Variants in CNKSR3 observed in about 807,000 individuals in gnomAD.
CNKSR3 encodes connector enhancer of kinase suppressor of ras 3.
In CNKSR3, 36 loss-of-function variants were observed where a neutral mutation model predicts 67.7. The ratio of observed to expected loss-of-function variants is 0.53; its 90% CI spans 0.41 to 0.70. The LOEUF (loss-of-function observed/expected upper bound fraction) is 0.70. Among genes scored for constraint, CNKSR3 ranks in the 30% least tolerant of loss-of-function variants. CNKSR3 has a pLI of 0.00. For synonymous variants in CNKSR3, 281 were observed against 271.4 expected (o/e 1.04, Z -0.35); for missense variants, 630 against 695.2 (o/e 0.91, Z 1.05).
intron 7 of CNKSR3, among the ~76,000 whole-genome samples, chr6:154,424,418 C>T (rs1785213341): frequency 1.3e-5 from 2 of 152,116 alleles, no homozygotes; most frequent in African/African-American, 4.8e-5. Context: ...TCTAATCAAA[C>T]ATTATCTAGA....
intron 10 of CNKSR3, among the ~76,000 whole-genome samples, chr6:154,411,636 A>C (rs1784914340): frequency 2.8e-5 from 1 of 36,172 alleles, no homozygotes. Context: ...TCCATCTCAA[A>C]AAAAAAAAAA....
In CNKSR3 at chr6:154,394,796, C is replaced by T. The variant is rs1294632843; in HGVS notation, c.*11558G>A. The T allele has an allele frequency of 1.3e-5, 2 of 152,172 alleles. No homozygotes were observed. Among genetic ancestry groups the T allele is most frequent in the East Asian group, 3.9e-4 (2 of 5,194 alleles). The allele number at this position is 152,172 out of a possible 1,614,324, so 9.4% of individuals were successfully genotyped here. On this transcript the variant is annotated 3_prime_UTR_variant, in exon 13 of 13. Coordinates refer to ENST00000607772, the MANE Select transcript of CNKSR3 (RefSeq NM_173515.4). ...ACTGTCCGATTCTGTTCTTAGTCCTCTTGCCAAGTCTATTTTCCTCTCCCC... is the reference window on the plus strand; with the variant it reads ...ACTGTCCGATTCTGTTCTTAGTCCTTTTGCCAAGTCTATTTTCCTCTCCCC...
chr6:154,468,432 A>ACC lies in CNKSR3; in HGVS notation c.53-18176_53-18175dup, dbSNP rs1554236196. On this transcript the variant is annotated intron_variant, in intron 1 of 12. Transcript: ENST00000607772. ...CACACACACACACACACACACACAC[A>ACC]CCATGACCATCTAACCTAAAAAAGT... Among the ~76,000 whole-genome samples, 265 of 142,870 alleles carry ACC rather than the reference A, an allele frequency of 1.9e-3. 1 individual carries two copies. The highest frequency in any genetic ancestry group is 6.0e-3 in the African/African-American group (235 of 39,266). The allele number at this position is 142,870 out of a possible 152,430, so 93.7% of individuals were successfully genotyped here.
chr6:154,429,885 T>C (rs921571139), intron 6 of CNKSR3, among the ~76,000 whole-genome samples: 2 of 152,186 alleles, frequency 1.3e-5, no homozygotes, highest in African/African-American at 4.8e-5. Context: ...GTTAAGTCCC[T>C]CAAGAGCCGG....
chr6:154,442,343 C>A, intron 2 of CNKSR3, 53 bp from the exon 3 acceptor site: 2 of 1,509,522 alleles, frequency 1.3e-6, no homozygotes, highest in Non-Finnish European at 1.8e-6. Context: ...CAATATTCGA[C>A]AGGGCGCGGT....
At chr6:154,481,089 ATATT>A (rs761879900) in intron 1 of CNKSR3, among the ~76,000 whole-genome samples, 152 of 146,400 alleles carry the variant, frequency 1.0e-3, no homozygotes, top group Non-Finnish European at 9.0e-4. Context: ...TGCTTATTCG[ATATT>A]TATTTATTTT....
At chr6:154,408,719 C>T (rs180739036) in intron 12 of CNKSR3, among the ~76,000 whole-genome samples, 5 of 152,208 alleles carry the variant, frequency 3.3e-5, no homozygotes, top group South Asian at 2.1e-4. Flanking sequence ...GGTACAACTC[C>T]GTGAATATAC....
At chr6:154,470,182 TCTTTCC>T (rs1297336661) in intron 1 of CNKSR3, among the ~76,000 whole-genome samples, 1 of 120,762 alleles carries the variant, frequency 8.3e-6, no homozygotes, top group Admixed American at 9.0e-5. Flanking sequence ...GAACCTACTT[TCTTTCC>T]TTTTTTTTTT....
intron 1 of CNKSR3, among the ~76,000 whole-genome samples, chr6:154,489,249 T>C (rs577002926): frequency 1.1e-4 from 17 of 152,140 alleles, no homozygotes; most frequent in African/African-American, 3.9e-4. Context: ...ACCCTATTGC[T>C]GCTGGGCACG....
At chr6:154,418,691 A>C (rs1308606521) in intron 9 of CNKSR3, among the ~76,000 whole-genome samples, 1 of 152,222 alleles carries the variant, frequency 6.6e-6, no homozygotes, top group Non-Finnish European at 1.5e-5. Flanking sequence ...ACCAAGTTTA[A>C]ATTTTACACT....
At chr6:154,480,748 CCCAG>C (rs1228066737) in intron 1 of CNKSR3, among the ~76,000 whole-genome samples, 1 of 152,184 alleles carries the variant, frequency 6.6e-6, no homozygotes, top group African/African-American at 2.4e-5. Context: ...TCCCATAAAG[CCCAG>C]TTTCCTTGAA....
intron 4 of CNKSR3, 50 bp downstream of exon 4, chr6:154,441,242 C>CAAAAAAAAAAAAAAAAAAAAAA (rs34887626): frequency 1.2e-6 from 1 of 843,778 alleles, no homozygotes; most frequent in Non-Finnish European, 1.8e-6. Flanking sequence ...AGAGGAAAAG[C>CAAAAAAAAAAAAAAAAAAAAAA]AAAAAAAAAA....
chr6:154,489,299 G>A (rs557387724), intron 1 of CNKSR3, among the ~76,000 whole-genome samples: 5 of 152,202 alleles, frequency 3.3e-5, no homozygotes, highest in Non-Finnish European at 7.3e-5. Context: ...GGGAGGCCAA[G>A]GTGGGCAGAT....
chr6:154,419,745 G>A lies in CNKSR3; in HGVS notation c.945+2761C>T, dbSNP rs572521983. Reference sequence around the variant, plus strand: ...ACAGATGAATGGATAAGGAAAATGTGGTGTATATACACAAGGGAATGCTAT... The same window carrying A: ...ACAGATGAATGGATAAGGAAAATGTAGTGTATATACACAAGGGAATGCTAT... On this transcript the variant is annotated intron_variant, in intron 9 of 12. Transcript: ENST00000607772. Among the ~76,000 whole-genome samples the A allele has an allele frequency of 2.6e-5, 4 of 152,066 alleles. No individual in the cohort carries two copies. In the South Asian group the frequency reaches 8.3e-4, roughly 32 times the overall value.
chr6:154,474,996 G>C (rs1252594307), intron 1 of CNKSR3, among the ~76,000 whole-genome samples: 1 of 152,198 alleles, frequency 6.6e-6, no homozygotes. Flanking sequence ...ACCATTTACT[G>C]AGCATATACT....
At chr6:154,509,702 G>C (rs1787174780) in intron 1 of CNKSR3, among the ~76,000 whole-genome samples, 2 of 152,146 alleles carry the variant, frequency 1.3e-5, no homozygotes, top group Admixed American at 6.5e-5. Context: ...TCTGCACTCG[G>C]GCCCCCGGGT....
At chr6:154,484,126 T>C (rs971412243) in intron 1 of CNKSR3, among the ~76,000 whole-genome samples, 11 of 152,190 alleles carry the variant, frequency 7.2e-5, no homozygotes, top group African/African-American at 2.7e-4. Flanking sequence ...TGGGCCACAA[T>C]GTCATTAACG....
intron 1 of CNKSR3, among the ~76,000 whole-genome samples, chr6:154,475,201 T>G (rs1315314868): frequency 1.3e-5 from 2 of 152,096 alleles, no homozygotes; most frequent in Non-Finnish European, 2.9e-5. Context: ...ACCCATTGTC[T>G]TCCCACTGGG....
chr6:154,406,581 G>A lies in CNKSR3; in HGVS notation c.1441C>T (p.Pro481Ser), dbSNP rs777431427. The A allele has an allele frequency of 6.2e-7, 1 of 1,614,202 alleles. No homozygotes were observed. The highest frequency in any genetic ancestry group is 8.5e-7 in the Non-Finnish European group (1 of 1,180,030). The change falls in exon 13 of 13, where the codon CCA becomes TCA. Residue 481 changes from proline to serine, a missense_variant. Physicochemically the swap from Pro to Ser is moderately conservative, Grantham distance 74. Coordinates refer to ENST00000607772, the MANE Select transcript of CNKSR3 (RefSeq NM_173515.4). ...GTCGTGGGTCTGGAGAACCGGTATG[G>A]GGGAGAGGAGCTCTCTTCAATGATC... Reference protein sequence around the residue: ...PPIIEESSSPPYRFSRPTTER... With the variant: ...PPIIEESSSPSYRFSRPTTER...
Sources: allele counts gnomAD v4.1 joint callset (sites outside exome capture counted in the v4.1 genomes callset), GRCh38; gene constraint gnomAD v4.1.1; transcripts MANE v1.5; gene names NCBI Gene and HGNC (gene_info 2026-07-23, HGNC 2026-07-21).